Variants in PCNT observed in about 807,000 individuals in gnomAD.
The protein encoded by PCNT is kendrin.
In PCNT, 319 loss-of-function variants were observed where a neutral mutation model predicts 380.4. The observed-to-expected ratio is 0.84, with a 90% CI of 0.77 to 0.92. The LOEUF (loss-of-function observed/expected upper bound fraction) is 0.92. Ranked by LOEUF, PCNT falls within the 40% of genes least tolerant of loss-of-function variation. PCNT has a pLI of 0.00. For missense variants in PCNT, 4,400 were observed against 4,255.3 expected (o/e 1.03, Z -0.95); for synonymous variants, 1,845 against 1,735.2 (o/e 1.06, Z -1.57).
chr21:46,341,094 G>T (rs1403118126), intron 3 of PCNT, among the ~76,000 whole-genome samples: 1 of 152,188 alleles, frequency 6.6e-6, no homozygotes, highest in African/African-American at 2.4e-5. Context: ...TGTTGGCCAG[G>T]CTGGTCTTGA....
chr21:46,325,467 G>A (rs1370368409), intron 1 of PCNT, among the ~76,000 whole-genome samples: 6 of 152,232 alleles, frequency 3.9e-5, no homozygotes, highest in Non-Finnish European at 1.5e-5. Context: ...ATCCCGACAT[G>A]GATAGGTGTG....
At chr21:46,340,212 T>C (rs183693879) in intron 3 of PCNT, among the ~76,000 whole-genome samples, 47 of 152,270 alleles carry the variant, frequency 3.1e-4, no homozygotes, top group Admixed American at 2.0e-3. Context: ...GTGAGACTTA[T>C]TCACTCTCAG....
chr21:46,440,543 C>T (rs971716780), intron 42 of PCNT, among the ~76,000 whole-genome samples: 3 of 152,218 alleles, frequency 2.0e-5, no homozygotes, highest in Non-Finnish European at 2.9e-5. Context: ...GTCCCCACCC[C>T]GTGACGTCCA....
intron 14 of PCNT, among the ~76,000 whole-genome samples, chr21:46,365,078 C>T (rs781732029): frequency 6.6e-6 from 1 of 152,198 alleles, no homozygotes; most frequent in Non-Finnish European, 1.5e-5. Context: ...CCCTGAGTGC[C>T]GCCTGCACCT....
In PCNT at chr21:46,406,374, T is replaced by G. The variant is rs974269234; in HGVS notation, c.5115+3891T>G. On this transcript the variant is annotated intron_variant, in intron 27 of 46. Coordinates refer to ENST00000359568, the MANE Select transcript of PCNT (RefSeq NM_006031.6). ...TCACGTCTTTTGTTAAATTTATCCT[T>G]AAATATTTTAGGTTTTTTGCACTAT... Among the ~76,000 whole-genome samples the G allele has an allele frequency of 1.3e-5, 2 of 152,270 alleles. 1 individual carries two copies. The highest frequency in any genetic ancestry group is 1.3e-4 in the Admixed American group (2 of 15,284).
intron 2 of PCNT, 74 bp from the exon 3 acceptor site, chr21:46,334,323 G>A: frequency 6.2e-7 from 1 of 1,607,964 alleles, no homozygotes; most frequent in South Asian, 1.1e-5. Context: ...TGCAGATAGA[G>A]GAGCTGGGAA....
chr21:46,442,111 G>A (rs1051392840), intron 43 of PCNT, among the ~76,000 whole-genome samples: 5 of 152,192 alleles, frequency 3.3e-5, no homozygotes, highest in African/African-American at 1.2e-4. Context: ...GTGACAGGAT[G>A]AAGATGGGAG....
At chr21:46,365,712 GTTCACTGCTGTGGGGTTCTA>G (rs1396307655) in intron 14 of PCNT, among the ~76,000 whole-genome samples, 4 of 136,702 alleles carry the variant, frequency 2.9e-5, no homozygotes, top group African/African-American at 5.6e-5. Flanking sequence ...GTGGGGTTCT[GTTCACTGCTGTGGGGTTCTA>G]TTCACTGCCG....
chr21:46,391,494 C>T (rs1042803802), intron 21 of PCNT, 118 bp downstream of exon 21: 8 of 812,258 alleles, frequency 9.8e-6, no homozygotes, highest in Non-Finnish European at 1.5e-5. Context: ...TAAACCAGCA[C>T]GCAGCTTCTC....
Position 46,428,451 on chromosome 21 carries a change from G to A in PCNT, c.7551G>A (p.Leu2517=). The A allele has an allele frequency of 6.2e-7, 1 of 1,612,538 alleles. No individual in the cohort carries two copies. Among genetic ancestry groups the A allele is most frequent in the Non-Finnish European group, 8.5e-7 (1 of 1,179,888 alleles). Residue 2517 remains leucine, a synonymous_variant, in exon 35 of 47, where the codon CTG becomes CTA. Coordinates refer to ENST00000359568, the MANE Select transcript of PCNT (RefSeq NM_006031.6). ...TTCGCTTGCCGGACCGGAGCAGCCT[G>A]CTGTCCGAGATCCAGGCGCTGCGTG... ...EHLRLPDRSS[L]LSEIQALRAQ... is the part of the protein sequence containing the mutation.
rs769259787 is a variant in PCNT at position 46,366,802 on chromosome 21, C to A, written c.2828C>A (p.Ala943Asp). ...GAGAGCAAGCAGGGGGCTCTGCTGG[C>A]TGCACGTGTGGCCGAACTGCAGACA... ...SLESKQGALL[A>D]ARVAELQTKH... is the part of the protein sequence containing the mutation. Residue 943 changes from alanine to aspartate, a missense_variant, in exon 15 of 47, where the codon GCT becomes GAT. Physicochemically the swap from Ala to Asp is moderately radical, Grantham distance 126. Coordinates refer to ENST00000359568, the MANE Select transcript of PCNT (RefSeq NM_006031.6). 1 of 1,613,698 alleles carries A rather than the reference C, an allele frequency of 6.2e-7. No homozygotes were observed. The highest frequency in any genetic ancestry group is 8.5e-7 in the Non-Finnish European group (1 of 1,180,044).
At chr21:46,440,448 C>T (rs1211462766) in intron 42 of PCNT, among the ~76,000 whole-genome samples, 4 of 152,210 alleles carry the variant, frequency 2.6e-5, no homozygotes, top group African/African-American at 7.2e-5. Flanking sequence ...CAGCAAATGG[C>T]GGCCTCTGCA....
At chr21:46,418,683 C>A (rs368959075) in intron 31 of PCNT, among the ~76,000 whole-genome samples, 1 of 152,242 alleles carries the variant, frequency 6.6e-6, no homozygotes, top group Non-Finnish European at 1.5e-5. Flanking sequence ...GAGACTGGGG[C>A]GGTGCACGCC....
intron 34 of PCNT, 52 bp from the exon 35 acceptor site, chr21:46,428,343 G>A (rs1214954761): frequency 2.6e-6 from 4 of 1,534,212 alleles, no homozygotes; most frequent in Admixed American, 1.7e-5. Flanking sequence ...GGAAGGCCGG[G>A]GCATGGGGTG....
chr21:46,395,068 G>T (rs1159827999), intron 21 of PCNT, among the ~76,000 whole-genome samples: 2 of 152,234 alleles, frequency 1.3e-5, no homozygotes, highest in Non-Finnish European at 2.9e-5. Flanking sequence ...CTGCCCTCAG[G>T]CCTCGCCGCA....
intron 38 of PCNT, among the ~76,000 whole-genome samples, chr21:46,434,057 C>T (rs922531250): frequency 2.6e-5 from 4 of 152,156 alleles, no homozygotes; most frequent in South Asian, 2.1e-4. Flanking sequence ...GGATTACAGG[C>T]GTGAGCCACT....
rs1251665115 is a variant in PCNT at position 46,382,755 on chromosome 21, A to G, written c.3312+915A>G. Among the ~76,000 whole-genome samples the G allele has an allele frequency of 2.1e-5, 3 of 142,964 alleles. 1 individual carries two copies. Among genetic ancestry groups the G allele is most frequent in the Non-Finnish European group, 4.6e-5 (3 of 65,732 alleles). The allele number at this position is 142,964 out of a possible 152,430, so 93.8% of individuals were successfully genotyped here. ...CACAGTGCTGTGCATTCAGTGGCGGAAGCGCATTCACCGTGTTGTATATTC... is the reference window on the plus strand; with the variant it reads ...CACAGTGCTGTGCATTCAGTGGCGGGAGCGCATTCACCGTGTTGTATATTC... On this transcript the variant is annotated intron_variant, in intron 16 of 46. Transcript: ENST00000359568.
Position 46,411,726 on chromosome 21 carries a change from G to GCT in PCNT, c.5654_5655insTC (p.Ala1886ArgfsTer57). On this transcript the variant is annotated frameshift_variant, in exon 28 of 47. Transcript: ENST00000359568. LOFTEE classifies it high-confidence loss of function. ...AATCGACGCTCTGAACCAGCGGAAG[G>GCT]CGGCCCACTCTGCCGAGCTGGAGGC... The GCT allele has an allele frequency of 6.2e-7, 1 of 1,612,236 alleles. No individual in the cohort carries two copies. Among genetic ancestry groups the GCT allele is most frequent in the Non-Finnish European group, 8.5e-7 (1 of 1,179,836 alleles).
intron 21 of PCNT, among the ~76,000 whole-genome samples, chr21:46,393,668 A>T (rs774143334): frequency 3.9e-4 from 60 of 152,166 alleles, no homozygotes; most frequent in Non-Finnish European, 7.9e-4. Context: ...CGGCCCGGTG[A>T]GGCCGGGGCC....
Sources: allele counts gnomAD v4.1 joint callset (sites outside exome capture counted in the v4.1 genomes callset), GRCh38; gene constraint gnomAD v4.1.1; transcripts MANE v1.5; gene names NCBI Gene and HGNC (gene_info 2026-07-23, HGNC 2026-07-21).